The following FYB1 variants were observed in gnomAD, a reference collection of about 807,000 sequenced individuals.
The protein encoded by FYB1 is FYN-binding protein 1.
FYB1 carries 41 observed loss-of-function variants against 94.1 expected under a neutral mutation model. The observed-to-expected ratio is 0.44, with a 90% confidence interval of 0.34 to 0.57. The LOEUF (loss-of-function observed/expected upper bound fraction) is 0.57. Among genes scored for constraint, FYB1 ranks in the 20% least tolerant of loss-of-function variants. The pLI, the probability that FYB1 is intolerant of heterozygous loss-of-function variation, is 0.02. For missense variants in FYB1, 1,050 were observed against 976.8 expected, an observed-to-expected ratio of 1.07 and a Z score of -1.00; for synonymous variants, 367 against 353.2, an observed-to-expected ratio of 1.04 and a Z score of -0.44.
At chr5:39,265,372 T>C (rs1752387214) in intron 1 of FYB1, among the ~76,000 whole-genome samples, 1 of 151,744 alleles carries the variant, frequency 6.6e-6, no homozygotes, top group Admixed American at 6.6e-5. Context: ...CAGTCCCAGC[T>C]ACTCAGGAGG....
intron 3 of FYB1, among the ~76,000 whole-genome samples, chr5:39,143,022 T>C (rs987341340): frequency 1.3e-5 from 2 of 152,222 alleles, no homozygotes; most frequent in African/African-American, 2.4e-5. Flanking sequence ...TGTTCTGGTC[T>C]TGGTTCTCTT....
At chr5:39,121,776 T>A (rs1405331675) in intron 14 of FYB1, among the ~76,000 whole-genome samples, 2 of 152,206 alleles carry the variant, frequency 1.3e-5, no homozygotes, top group Non-Finnish European at 2.9e-5. Context: ...TTAATTTTTT[T>A]AAGATTTGAA....
chr5:39,247,431 A>G (rs889796597), intron 1 of FYB1, among the ~76,000 whole-genome samples: 7 of 152,088 alleles, frequency 4.6e-5, no homozygotes, highest in African/African-American at 1.7e-4. Context: ...AGTCCAATAT[A>G]CCATTTACCT....
intron 2 of FYB1, among the ~76,000 whole-genome samples, chr5:39,165,860 C>G (rs113394705): frequency 1.1e-4 from 16 of 152,092 alleles, no homozygotes; most frequent in Non-Finnish European, 1.8e-4. Context: ...ATGTGGCCAA[C>G]AAGAATATGA....
chr5:39,254,018 A>G (rs1453632511), intron 1 of FYB1, among the ~76,000 whole-genome samples: 1 of 152,188 alleles, frequency 6.6e-6, no homozygotes, highest in Admixed American at 6.6e-5. Context: ...GAATGAGGAC[A>G]TGATCTCATT....
At position 39,202,792 on chromosome 5, in the gene FYB1, A is replaced by G; in HGVS notation, c.169T>C (p.Phe57Leu). The stretch of plus-strand genomic sequence containing the variant: ...GCCACAGGTGGCTTTGGGGACCCAA[A>G]CTTAGGTACATTGCTGGGTCCTGCA... ...PPAGPSNVPK[F>L]GSPKPPVAVK... Residue 57 changes from phenylalanine (F) to leucine (L), a missense_variant, in exon 2 of 19, where the codon TTT becomes CTT. Coordinates refer to ENST00000512982, the MANE Select transcript of FYB1 (RefSeq NM_001465.6). 1 of 1,613,948 alleles carries G rather than the reference A, an allele frequency of 6.2e-7. No individual in the cohort carries two copies. Among genetic ancestry groups the G allele is most frequent in the Non-Finnish European group, 8.5e-7 (1 of 1,179,886 alleles).
chr5:39,222,631 G>T (rs372001639), upstream of FYB1, among the ~76,000 whole-genome samples: 8 of 152,268 alleles, frequency 5.3e-5, 1 homozygote, highest in African/African-American at 1.9e-4. Flanking sequence ...GTGTCTGAAA[G>T]GTTTGAAGAT....
chr5:39,223,317 A>C (rs899426456), upstream of FYB1, among the ~76,000 whole-genome samples: 1 of 152,134 alleles, frequency 6.6e-6, no homozygotes, highest in Non-Finnish European at 1.5e-5. Flanking sequence ...TATGAGGAGC[A>C]TATTTTCCTT....
chr5:39,231,290 G>A (rs1471372265), intron 1 of FYB1, among the ~76,000 whole-genome samples: 2 of 152,014 alleles, frequency 1.3e-5, no homozygotes, highest in Admixed American at 1.3e-4. Context: ...TTCAATTAGG[G>A]AACACATTCA....
At chr5:39,139,806 G>A (rs1173879242) in intron 4 of FYB1, 1 of 152,092 alleles carries the variant, frequency 6.6e-6, no homozygotes, top group Non-Finnish European at 1.5e-5. Flanking sequence ...TAGACCAATG[G>A]AATAGAGCAG....
At chr5:39,108,099 T>A (rs1389354516) in intron 18 of FYB1, 132 bp downstream of exon 18, 4 of 850,074 alleles carry the variant, frequency 4.7e-6, no homozygotes, top group Non-Finnish European at 1.8e-6. Flanking sequence ...GCATTTACCT[T>A]TTCTAACATT....
At chr5:39,123,479 AT>A (rs1240174863) in intron 13 of FYB1, among the ~76,000 whole-genome samples, 1 of 152,092 alleles carries the variant, frequency 6.6e-6, no homozygotes, top group African/African-American at 2.4e-5. Flanking sequence ...TGAGGAGTTA[AT>A]TTTTTTGAAT....
intron 1 of FYB1, among the ~76,000 whole-genome samples, chr5:39,272,500 TA>T (rs33922266): frequency 0.81 from 117,115 of 144,944 alleles, 48,967 homozygotes; most frequent in Non-Finnish European, 0.92. Flanking sequence ...CCGTCTCTAC[TA>T]AAAAAAAAAA....
intron 16 of FYB1, among the ~76,000 whole-genome samples, chr5:39,114,224 G>A (rs1739325026): frequency 6.6e-6 from 1 of 152,004 alleles, no homozygotes; most frequent in Non-Finnish European, 1.5e-5. Flanking sequence ...GACAGGAGGT[G>A]GGAAAACTCA....
At chr5:39,242,782 C>G (rs528164523) in intron 1 of FYB1, among the ~76,000 whole-genome samples, 93 of 152,288 alleles carry the variant, frequency 6.1e-4, no homozygotes, top group African/African-American at 2.2e-3. Flanking sequence ...CCTATTTCTC[C>G]ACATCCTCTC....
intron 1 of FYB1, among the ~76,000 whole-genome samples, chr5:39,244,931 G>A (rs147811166): frequency 1.4e-4 from 21 of 152,280 alleles, no homozygotes; most frequent in African/African-American, 4.6e-4. Flanking sequence ...TTTGCATAGA[G>A]GTGATTATAG....
At chr5:39,206,272 G>A (rs1284571099) in intron 1 of FYB1, among the ~76,000 whole-genome samples, 1 of 152,180 alleles carries the variant, frequency 6.6e-6, no homozygotes, top group African/African-American at 2.4e-5. Flanking sequence ...CTGCAACTAT[G>A]TAATCACTAA....
Position 39,202,230 on chromosome 5 carries a change from T to C in FYB1, c.731A>G (p.Asp244Gly). 1 of 1,613,930 alleles carries C rather than the reference T, an allele frequency of 6.2e-7. No homozygotes were observed. Among genetic ancestry groups the C allele is most frequent in the Non-Finnish European group, 8.5e-7 (1 of 1,179,880 alleles). ...CCCTGCATGGTCTTTATTTTCTGAG[T>C]CTTCCCTTGCTGGTTTTAAAGGGCC... ...KSGPLKPARE[D>G]SENKDHAGEI... The change falls in exon 2 of 19, where the codon GAC becomes GGC. Residue 244 changes from aspartate to glycine, a missense_variant. By Grantham distance (94) the Asp-to-Gly change is moderately conservative. Coordinates refer to ENST00000512982, the MANE Select transcript of FYB1 (RefSeq NM_001465.6).
rs373171638 is a variant in FYB1, at chr5:39,138,648, A to G, written c.1394+9T>C. On this transcript the variant is annotated intron_variant, in intron 6 of 18. Coordinates refer to ENST00000512982, the MANE Select transcript of FYB1 (RefSeq NM_001465.6). ...AGAAAACTGTCATGGTAAAAAATGT[A>G]ATTCATACATGTCTTCATATGTTTC... 7.3e-6 allele frequency: 11 copies of G among 1,505,704 alleles called. No homozygotes were observed. Among genetic ancestry groups the G allele is most frequent in the Non-Finnish European group, 1.0e-5 (11 of 1,091,988 alleles). The allele number at this position is 1,505,704 out of a possible 1,614,324, so 93.3% of individuals were successfully genotyped here. A position where few individuals can be genotyped will look rare whatever the true frequency, so the allele number is the denominator to read the frequency against.
Sources: allele counts gnomAD v4.1 joint callset (sites outside exome capture counted in the v4.1 genomes callset), GRCh38; gene constraint gnomAD v4.1.1; transcripts MANE v1.5; gene names NCBI Gene and HGNC (gene_info 2026-07-23, HGNC 2026-07-21).